The following HSD17B12 variants were observed in gnomAD, a reference collection of about 807,000 sequenced individuals.
The protein encoded by HSD17B12 is hydroxysteroid 17-beta dehydrogenase 12.
Under a neutral mutation model 39.3 loss-of-function variants are expected in HSD17B12, and 32 were observed. The observed-to-expected ratio is 0.81, with a 90% CI of 0.61 to 1.09. The LOEUF (loss-of-function observed/expected upper bound fraction) is 1.09, where lower values mean the gene tolerates loss of function less well. HSD17B12 is among the 50% of genes least tolerant of loss of function. The probability of loss-of-function intolerance (pLI) is 0.00; values close to 1 mark genes in which losing one functional copy is unlikely to be tolerated. For synonymous variants in HSD17B12, 150 were observed against 146.7 expected (o/e 1.02, Z -0.16); for missense variants, 342 against 382.9 (o/e 0.89, Z 0.89).
chr11:43,561,280 G>A, the HSD17B12 span, among the ~76,000 whole-genome samples: 1 of 152,344 alleles, frequency 6.6e-6, no homozygotes, highest in African/African-American at 2.4e-5. Flanking sequence ...CTGCTCTGAG[G>A]TCTGCCCAGG....
intron 1 of HSD17B12, among the ~76,000 whole-genome samples, chr11:43,722,676 A>G (rs1295547955): frequency 6.6e-6 from 1 of 152,086 alleles, no homozygotes; most frequent in Non-Finnish European, 1.5e-5. Flanking sequence ...GTGAAACCCC[A>G]TCTCTACTAA....
chr11:43,637,685 C>T, the HSD17B12 span, among the ~76,000 whole-genome samples: 18 of 152,030 alleles, frequency 1.2e-4, no homozygotes, highest in Admixed American at 4.6e-4. Flanking sequence ...ATGTTGAAGA[C>T]GCAAAGTTAA....
At chr11:43,743,637 C>G (rs745337904) in intron 1 of HSD17B12, among the ~76,000 whole-genome samples, 4 of 152,140 alleles carry the variant, frequency 2.6e-5, no homozygotes, top group Non-Finnish European at 4.4e-5. Context: ...GCCCAGCAGC[C>G]AGAAGACTGG....
chr11:43,763,612 T>TTC (rs1950572051), intron 3 of HSD17B12, among the ~76,000 whole-genome samples: 1 of 83,418 alleles, frequency 1.2e-5, no homozygotes, highest in Non-Finnish European at 2.8e-5. Context: ...AAGGTTATCT[T>TTC]ATATATATAT....
Position 43,855,308 on chromosome 11 carries a change from AGCACCCTACT to A in HSD17B12, c.*62_*71del, listed in dbSNP as rs1440988974. 2 of 958,016 alleles carry A rather than the reference AGCACCCTACT, an allele frequency of 2.1e-6. No individual in the cohort carries two copies. The highest frequency in any genetic ancestry group is 3.3e-5 in the African/African-American group (2 of 59,930). The allele number at this position is 958,016 out of a possible 1,614,324, so 59.3% of individuals were successfully genotyped here. Reference sequence around the variant, plus strand: ...TCCAGCATATGCACGTTCACTGCAAAGCACCCTACTGGTTTTGAAAATCTGACCTTGTCAT... The same window carrying A: ...TCCAGCATATGCACGTTCACTGCAAAGGTTTTGAAAATCTGACCTTGTCAT... On this transcript the variant is annotated 3_prime_UTR_variant, in exon 11 of 11. Coordinates refer to ENST00000278353, the MANE Select transcript of HSD17B12 (RefSeq NM_016142.3).
At chr11:43,845,343 A>T (rs372486578) in intron 9 of HSD17B12, among the ~76,000 whole-genome samples, 48 of 152,348 alleles carry the variant, frequency 3.2e-4, no homozygotes, top group African/African-American at 1.1e-3. Context: ...TTTAACAGTG[A>T]TACAATAATT....
intron 3 of HSD17B12, among the ~76,000 whole-genome samples, chr11:43,785,025 C>G (rs1026338848): frequency 6.6e-6 from 1 of 151,990 alleles, no homozygotes; most frequent in Non-Finnish European, 1.5e-5. Context: ...CTCATGTTAG[C>G]TTTTCTATAA....
At chr11:43,658,231 T>A in the HSD17B12 span, among the ~76,000 whole-genome samples, 2 of 152,228 alleles carry the variant, frequency 1.3e-5, no homozygotes, top group Non-Finnish European at 2.9e-5. Flanking sequence ...TCTCGTGACA[T>A]GGTTTTCAGC....
chr11:43,685,308 C>T (rs1289862360), intron 1 of HSD17B12, among the ~76,000 whole-genome samples: 1 of 33,788 alleles, frequency 3.0e-5, no homozygotes, highest in Non-Finnish European at 8.3e-5. Flanking sequence ...CTCAAAATCA[C>T]AGGTATAATC....
At chr11:43,842,240 A>T (rs1257482245) in intron 9 of HSD17B12, among the ~76,000 whole-genome samples, 1 of 152,138 alleles carries the variant, frequency 6.6e-6, no homozygotes, top group Non-Finnish European at 1.5e-5. Context: ...TGTCATGTAG[A>T]TGTAGCTTCT....
intron 3 of HSD17B12, among the ~76,000 whole-genome samples, chr11:43,788,669 C>T (rs1950838467): frequency 7.1e-6 from 1 of 141,074 alleles, no homozygotes; most frequent in Non-Finnish European, 1.5e-5. Context: ...TACTCTGCCA[C>T]CGTCATTTCC....
rs549745726 is a variant in HSD17B12, at chr11:43,681,825, C to G, written c.160+838C>G. 1.3e-4 allele frequency among the ~76,000 whole-genome samples: 17 copies of G among 128,060 alleles called. No individual in the cohort carries two copies. In the South Asian group the frequency reaches 4.2e-3, roughly 31 times the overall value. The allele number at this position is 128,060 out of a possible 152,430, so 84.0% of individuals were successfully genotyped here. The stretch of plus-strand genomic sequence containing the variant: ...AAATTATCTGCAGGGAAGTTTTGCT[C>G]CCCCCCCCCTTTTTTTTTTCTTTTT... On this transcript the variant is annotated intron_variant, in intron 1 of 10. Transcript: ENST00000278353.
chr11:43,744,996 G>A (rs1950400654), intron 1 of HSD17B12, among the ~76,000 whole-genome samples: 1 of 152,214 alleles, frequency 6.6e-6, no homozygotes, highest in Admixed American at 6.5e-5. Context: ...AGCAGTTACT[G>A]GGAGAGACTC....
intron 1 of HSD17B12, among the ~76,000 whole-genome samples, chr11:43,706,210 A>G (rs965911263): frequency 2.0e-5 from 3 of 152,150 alleles, no homozygotes; most frequent in Non-Finnish European, 4.4e-5. Flanking sequence ...TAATAGCAGT[A>G]ATATAAGGCC....
the HSD17B12 span, chr11:43,641,045 G>A: frequency 7.3e-5 from 11 of 151,508 alleles, no homozygotes; most frequent in South Asian, 2.1e-4. Flanking sequence ...GTAAGGAAAC[G>A]TTTTCTATTG....
the HSD17B12 span, among the ~76,000 whole-genome samples, chr11:43,588,610 C>CTATTAATATTAT: frequency 6.9e-6 from 1 of 144,974 alleles, no homozygotes; most frequent in Non-Finnish European, 1.5e-5. Context: ...TTATTATTAG[C>CTATTAATATTAT]TATTATTATT....
chr11:43,783,590 G>T (rs926405075), intron 3 of HSD17B12, among the ~76,000 whole-genome samples: 2 of 151,712 alleles, frequency 1.3e-5, no homozygotes, highest in Non-Finnish European at 2.9e-5. Context: ...ACAGGCCCTG[G>T]TGTGTGATGC....
chr11:43,658,261 C>T, the HSD17B12 span, among the ~76,000 whole-genome samples: 1 of 152,168 alleles, frequency 6.6e-6, no homozygotes, highest in African/African-American at 2.4e-5. Flanking sequence ...TTTAGGACTT[C>T]TCTGCATTGG....
At chr11:43,684,363 G>A (rs1949777974) in intron 1 of HSD17B12, among the ~76,000 whole-genome samples, 2 of 152,228 alleles carry the variant, frequency 1.3e-5, no homozygotes, top group Admixed American at 1.3e-4. Flanking sequence ...TGGTCAGTTT[G>A]TATTAAATAA....
Sources: allele counts gnomAD v4.1 joint callset (sites outside exome capture counted in the v4.1 genomes callset), GRCh38; gene constraint gnomAD v4.1.1; transcripts MANE v1.5; gene names NCBI Gene and HGNC (gene_info 2026-07-23, HGNC 2026-07-21).